Variants in STAG1 observed in about 807,000 individuals in gnomAD.
STAG1 encodes the protein STAG1 cohesin complex component, also known as cohesin subunit SA-1.
In STAG1, 26 loss-of-function variants were observed where a neutral mutation model predicts 170.9. The observed-to-expected ratio is 0.15, with a 90% CI of 0.11 to 0.21. The LOEUF is 0.21. STAG1 is among the 10% of genes least tolerant of loss of function. STAG1 has a pLI of 1.00. For missense variants in STAG1, 964 were observed against 1,509.5 expected, an observed-to-expected ratio of 0.64 and a Z score of 5.99; for synonymous variants, 514 against 497.7, an observed-to-expected ratio of 1.03 and a Z score of -0.44.
chr3:136,526,425 T>C (rs1034048212), intron 6 of STAG1, among the ~76,000 whole-genome samples: 3 of 152,262 alleles, frequency 2.0e-5, no homozygotes, highest in Non-Finnish European at 4.4e-5. Flanking sequence ...AACCCCTGCC[T>C]TTTTTTGTTT....
At chr3:136,551,341 AG>A (rs1236185580) in intron 5 of STAG1, among the ~76,000 whole-genome samples, 2 of 149,562 alleles carry the variant, frequency 1.3e-5, no homozygotes, top group Non-Finnish European at 3.0e-5. Context: ...TTGACCTCCC[AG>A]AATCAAGCAA....
At chr3:136,727,880 G>A (rs775936891) in intron 1 of STAG1, among the ~76,000 whole-genome samples, 2 of 152,002 alleles carry the variant, frequency 1.3e-5, no homozygotes, top group Non-Finnish European at 2.9e-5. Flanking sequence ...CACCATGGCC[G>A]GGAGCGGTGG....
chr3:136,458,954 G>A (rs2089196729), intron 13 of STAG1, among the ~76,000 whole-genome samples: 1 of 152,074 alleles, frequency 6.6e-6, no homozygotes, highest in Admixed American at 6.6e-5. Context: ...GCACGGTGGT[G>A]CAAGCCTGTA....
chr3:136,445,024 C>CTTTTTT (rs368181116), intron 14 of STAG1, among the ~76,000 whole-genome samples: 1 of 134,174 alleles, frequency 7.5e-6, no homozygotes, highest in African/African-American at 2.8e-5. Context: ...CCCCGCCTGG[C>CTTTTTT]TTTTTTTTTT....
At chr3:136,436,201 C>T (rs753495748) in intron 15 of STAG1, among the ~76,000 whole-genome samples, 5 of 152,120 alleles carry the variant, frequency 3.3e-5, no homozygotes, top group Admixed American at 6.6e-5. Context: ...AGTGATCCAC[C>T]GGCCTCAGCC....
At chr3:136,691,012 A>C (rs1454412259) in intron 1 of STAG1, among the ~76,000 whole-genome samples, 1 of 151,812 alleles carries the variant, frequency 6.6e-6, no homozygotes, top group Non-Finnish European at 1.5e-5. Flanking sequence ...AAAGAAAGAC[A>C]GTTGGCTGGG....
Position 136,737,865 on chromosome 3 carries a change from C to T in STAG1, c.-84+14330G>A, listed in dbSNP as rs1221498456. Among the ~76,000 whole-genome samples, 400 of 151,780 alleles carry T rather than the reference C, an allele frequency of 2.6e-3. 2 individuals are homozygous for T. Among genetic ancestry groups the T allele is most frequent in the African/African-American group, 9.4e-3 (389 of 41,388 alleles). ...CGGGCGGATCTCAAGGTCAGGGGTT[C>T]AAGACCAGCCTGACTAACATGGTGA... On this transcript the variant is annotated intron_variant, in intron 1 of 33. Coordinates refer to ENST00000383202, the MANE Select transcript of STAG1 (RefSeq NM_005862.3).
At chr3:136,663,683 T>A (rs1941655473) in intron 1 of STAG1, among the ~76,000 whole-genome samples, 1 of 152,182 alleles carries the variant, frequency 6.6e-6, no homozygotes, top group Admixed American at 6.5e-5. Context: ...GGTTTCCAAT[T>A]GAACACGGTG....
At chr3:136,518,631 T>C (rs552553091) in intron 7 of STAG1, among the ~76,000 whole-genome samples, 1 of 152,228 alleles carries the variant, frequency 6.6e-6, no homozygotes, top group Non-Finnish European at 1.5e-5. Context: ...TTGGAAGATA[T>C]AACCATTAAT....
chr3:136,615,928 T>C (rs757170815), intron 3 of STAG1, among the ~76,000 whole-genome samples: 2 of 151,516 alleles, frequency 1.3e-5, no homozygotes, highest in South Asian at 2.1e-4. Context: ...ACTTGGGAAA[T>C]GTAAAATAAA....
chr3:136,458,910 T>C (rs981392976), intron 13 of STAG1, among the ~76,000 whole-genome samples: 2 of 151,754 alleles, frequency 1.3e-5, no homozygotes, highest in African/African-American at 4.8e-5. Flanking sequence ...AGACTTTAAG[T>C]CAAGAATGAT....
chr3:136,418,579 T>G (rs1247568194), intron 20 of STAG1, among the ~76,000 whole-genome samples: 1 of 151,592 alleles, frequency 6.6e-6, no homozygotes, highest in Non-Finnish European at 1.5e-5. Flanking sequence ...TTCTACCACA[T>G]GGTCAAGCTA....
In STAG1 at chr3:136,551,258, A is replaced by AGG. The variant is rs1324058071; in HGVS notation, c.395-9064_395-9063insCC. ...GAGAGAGAGAGAGAGAGAGAGAGAGAGAGGGAGAGCGAGAGAGCGTGCTCT... is the reference window on the plus strand; with the variant it reads ...GAGAGAGAGAGAGAGAGAGAGAGAGAGGGAGGGAGAGCGAGAGAGCGTGCTCT... On this transcript the variant is annotated intron_variant, in intron 5 of 33. Coordinates refer to ENST00000383202, the MANE Select transcript of STAG1 (RefSeq NM_005862.3). Among the ~76,000 whole-genome samples the AGG allele has an allele frequency of 2.0e-4, 24 of 122,402 alleles. No individual in the cohort carries two copies. The East Asian group carries it at 3.6e-3, about 19-fold the overall frequency. The allele number at this position is 122,402 out of a possible 152,430, so 80.3% of individuals were successfully genotyped here. A position where few individuals can be genotyped will look rare whatever the true frequency, so the allele number is the denominator to read the frequency against.
intron 24 of STAG1, among the ~76,000 whole-genome samples, chr3:136,368,011 T>C (rs543416029): frequency 6.6e-5 from 10 of 152,286 alleles, no homozygotes; most frequent in Admixed American, 2.0e-4. Flanking sequence ...CTTATATGTA[T>C]AGATTCGCAA....
chr3:136,692,986 G>A (rs1219433528), intron 1 of STAG1, among the ~76,000 whole-genome samples: 1 of 152,190 alleles, frequency 6.6e-6, no homozygotes, highest in Non-Finnish European at 1.5e-5. Context: ...GATGTCTTCG[G>A]TGTGTGGGAC....
At chr3:136,732,843 C>T (rs1259133515) in intron 1 of STAG1, among the ~76,000 whole-genome samples, 2 of 151,990 alleles carry the variant, frequency 1.3e-5, no homozygotes, top group South Asian at 2.1e-4. Flanking sequence ...CTCCTGACCT[C>T]GTGAGCCACC....
chr3:136,688,733 G>A lies in STAG1; in HGVS notation c.-83-57752C>T, dbSNP rs114997327. 4.8e-3 allele frequency among the ~76,000 whole-genome samples: 731 copies of A among 152,248 alleles called. 2 individuals carry two copies. The highest frequency in any genetic ancestry group is 8.5e-3 in the Non-Finnish European group (580 of 68,006). On this transcript the variant is annotated intron_variant, in intron 1 of 33. Coordinates refer to ENST00000383202, the MANE Select transcript of STAG1 (RefSeq NM_005862.3). The stretch of plus-strand genomic sequence containing the variant: ...TATGTTGTTTTGACAATGTCCTTAC[G>A]ATACTGGAGTATATCTCCTTTTATC...
chr3:136,489,160 T>C (rs2090074007), intron 9 of STAG1, among the ~76,000 whole-genome samples: 2 of 152,228 alleles, frequency 1.3e-5, no homozygotes, highest in Admixed American at 1.3e-4. Context: ...TATTAATCCT[T>C]TGTGGTAACT....
chr3:136,489,672 A>G (rs1185720622), intron 9 of STAG1, among the ~76,000 whole-genome samples: 1 of 152,258 alleles, frequency 6.6e-6, no homozygotes, highest in Non-Finnish European at 1.5e-5. Context: ...TTTCCAAAAT[A>G]GAATAATTAT....
Sources: allele counts gnomAD v4.1 joint callset (sites outside exome capture counted in the v4.1 genomes callset), GRCh38; gene constraint gnomAD v4.1.1; transcripts MANE v1.5; gene names NCBI Gene and HGNC (gene_info 2026-07-23, HGNC 2026-07-21).